ROBO1: variants seen among roughly 807,000 people sequenced by gnomAD.
The protein encoded by ROBO1 is roundabout guidance receptor 1, also known as roundabout homolog 1.
In ROBO1, 149 loss-of-function variants were observed where a neutral mutation model predicts 195.9. That is an observed-to-expected ratio of 0.76 (90% CI 0.67 to 0.87). ROBO1 has a LOEUF of 0.87. ROBO1 is among the 40% of genes least tolerant of loss of function. The pLI, the probability that ROBO1 is intolerant of heterozygous loss-of-function variation, is 0.00. For missense variants in ROBO1, 1,933 were observed against 2,068.3 expected, an observed-to-expected ratio of 0.93 and a Z score of 1.27; for synonymous variants, 816 against 733.2, an observed-to-expected ratio of 1.11 and a Z score of -1.82.
rs573005006 is a variant in ROBO1, at chr3:79,424,951, G to T, written c.88+164873C>A. On this transcript the variant is annotated intron_variant, in intron 2 of 30. Transcript: ENST00000464233. ...GTCATGCTAGAAGGAAGTAAAAAAC[G>T]CAGAAAACCTAAACCCTGAGGCTGA... Among the ~76,000 whole-genome samples, 19 of 152,210 alleles carry T rather than the reference G, an allele frequency of 1.2e-4. No homozygotes were observed. In the South Asian group the frequency reaches 3.7e-3, roughly 30 times the overall value.
At chr3:78,737,746 C>T (rs1007407187) in intron 5 of ROBO1, among the ~76,000 whole-genome samples, 3 of 152,058 alleles carry the variant, frequency 2.0e-5, no homozygotes, top group Non-Finnish European at 4.4e-5. Flanking sequence ...TTATTCAATC[C>T]AATGACTGGT....
At position 79,534,984 on chromosome 3, in the gene ROBO1, C is replaced by G. The variant is rs923842794; in HGVS notation, c.88+54840G>C. Among the ~76,000 whole-genome samples the G allele has an allele frequency of 2.0e-5, 3 of 152,180 alleles. No homozygotes were observed. The East Asian group carries it at 5.8e-4, about 30-fold the overall frequency. The stretch of plus-strand genomic sequence containing the variant: ...TTGCAAATCATGATCCACTGCAGTG[C>G]TTGTCTGTGCTTTCCATAGTTTAAT... On this transcript the variant is annotated intron_variant, in intron 2 of 30. Transcript: ENST00000464233.
intron 3 of ROBO1, among the ~76,000 whole-genome samples, chr3:78,980,699 C>T (rs1209152357): frequency 1.3e-5 from 2 of 152,092 alleles, no homozygotes; most frequent in African/African-American, 4.8e-5. Flanking sequence ...AACTTTCCAT[C>T]TTATGTGGAA....
intron 2 of ROBO1, among the ~76,000 whole-genome samples, chr3:79,252,325 G>T (rs553450606): frequency 2.6e-5 from 4 of 152,038 alleles, no homozygotes; most frequent in Non-Finnish European, 5.9e-5. Flanking sequence ...ACTGATTTAG[G>T]GTAAGTGTCC....
chr3:79,041,606 A>C (rs919930498), intron 3 of ROBO1, among the ~76,000 whole-genome samples: 4 of 152,234 alleles, frequency 2.6e-5, no homozygotes, highest in Non-Finnish European at 5.9e-5. Flanking sequence ...GATATAAGTA[A>C]AAACTGTAAT....
intron 1 of ROBO1, among the ~76,000 whole-genome samples, chr3:79,722,047 C>T (rs1003466455): frequency 3.3e-5 from 5 of 152,238 alleles, no homozygotes; most frequent in African/African-American, 4.8e-5. Context: ...GATCAGGTGA[C>T]ATCACTGGGC....
chr3:78,611,039 GT>G (rs1258604966), intron 28 of ROBO1, among the ~76,000 whole-genome samples: 2 of 152,170 alleles, frequency 1.3e-5, no homozygotes, highest in Non-Finnish European at 2.9e-5. Flanking sequence ...TGTTTTGTAT[GT>G]ATGTGTGTAG....
chr3:79,117,273 G>A (rs1223055948), intron 3 of ROBO1, among the ~76,000 whole-genome samples: 1 of 152,058 alleles, frequency 6.6e-6, no homozygotes, highest in African/African-American at 2.4e-5. Context: ...GGGAGGATGA[G>A]GCAGGAAAAT....
chr3:79,117,592 T>C (rs1222252035), intron 3 of ROBO1, among the ~76,000 whole-genome samples: 2 of 152,164 alleles, frequency 1.3e-5, no homozygotes, highest in Non-Finnish European at 2.9e-5. Context: ...TTAAGTTGTG[T>C]TGTCATGGAA....
intron 3 of ROBO1, among the ~76,000 whole-genome samples, chr3:79,022,882 A>G (rs2078129607): frequency 6.6e-6 from 1 of 152,114 alleles, no homozygotes. Context: ...GGGCTTTTTG[A>G]CGGTCAAAAT....
intron 3 of ROBO1, among the ~76,000 whole-genome samples, chr3:78,943,148 G>C (rs561291268): frequency 1.3e-5 from 2 of 151,728 alleles, no homozygotes; most frequent in Admixed American, 1.3e-4. Flanking sequence ...CCTGGGAGGC[G>C]GAGCTTACAG....
rs553250241 is a variant in ROBO1, at chr3:79,718,268, A to G, written c.-51+49484T>C. 7.9e-5 allele frequency among the ~76,000 whole-genome samples: 12 copies of G among 152,176 alleles called. No individual in the cohort carries two copies. The South Asian group carries it at 1.9e-3, about 24-fold the overall frequency. ...GACCAGAACAAATTTCAAGGCAATA[A>G]TATAATTACTGTTAAGTACTTATAT... On this transcript the variant is annotated intron_variant, in intron 1 of 30. Coordinates refer to ENST00000464233, the MANE Select transcript of ROBO1 (RefSeq NM_002941.4).
intron 3 of ROBO1, among the ~76,000 whole-genome samples, chr3:78,954,480 T>C (rs2040941978): frequency 6.6e-6 from 1 of 152,018 alleles, no homozygotes; most frequent in Non-Finnish European, 1.5e-5. Flanking sequence ...GGTCTGAAAA[T>C]AGAATATAAT....
chr3:78,715,529 TTTC>T (rs889456956), intron 7 of ROBO1, among the ~76,000 whole-genome samples: 4 of 152,088 alleles, frequency 2.6e-5, no homozygotes, highest in Admixed American at 6.6e-5. Context: ...AAAATTAATT[TTTC>T]TTCTTATTAT....
rs186047620 is a variant in ROBO1 at position 78,709,523 on chromosome 3, T to C, written c.1045+4874A>G. On this transcript the variant is annotated intron_variant, in intron 8 of 30. Transcript: ENST00000464233. The stretch of plus-strand genomic sequence containing the variant: ...GTAAAATAAAACCTGCATTATTAAG[T>C]AATCAATATCTTATTTGATTCAATA... Among the ~76,000 whole-genome samples, 4 of 152,344 alleles carry C rather than the reference T, an allele frequency of 2.6e-5. No individual in the cohort carries two copies. The East Asian group carries it at 7.7e-4, about 29-fold the overall frequency.
At chr3:79,107,677 TGA>T (rs2079809924) in intron 3 of ROBO1, among the ~76,000 whole-genome samples, 1 of 151,676 alleles carries the variant, frequency 6.6e-6, no homozygotes. Context: ...GTATTGAGAG[TGA>T]TTACTTATGT....
In ROBO1 at chr3:78,792,797, T is replaced by C. The variant is rs184316671; in HGVS notation, c.500-45897A>G. ...TATAAAATAAGTAATAAATCAACTTTCTATATTGGAAACAGTCTTTACCTA... is the reference window on the plus strand; with the variant it reads ...TATAAAATAAGTAATAAATCAACTTCCTATATTGGAAACAGTCTTTACCTA... On this transcript the variant is annotated intron_variant, in intron 4 of 30. Coordinates refer to ENST00000464233, the MANE Select transcript of ROBO1 (RefSeq NM_002941.4). 8.5e-4 allele frequency among the ~76,000 whole-genome samples: 129 copies of C among 152,252 alleles called. 1 individual carries two copies. The highest frequency in any genetic ancestry group is 1.8e-3 in the Admixed American group (28 of 15,286).
At chr3:78,882,824 T>G (rs1236283330) in intron 4 of ROBO1, among the ~76,000 whole-genome samples, 1 of 151,322 alleles carries the variant, frequency 6.6e-6, no homozygotes, top group Non-Finnish European at 1.5e-5. Context: ...TTTTTTTTTT[T>G]TTTTCTGAGC....
intron 2 of ROBO1, among the ~76,000 whole-genome samples, chr3:79,351,021 G>GT (rs1418980685): frequency 2.0e-5 from 3 of 152,042 alleles, no homozygotes; most frequent in Non-Finnish European, 4.4e-5. Flanking sequence ...GGTGGAAGAT[G>GT]TTTTAAAATT....
Sources: allele counts gnomAD v4.1 joint callset (sites outside exome capture counted in the v4.1 genomes callset), GRCh38; gene constraint gnomAD v4.1.1; transcripts MANE v1.5; gene names NCBI Gene and HGNC (gene_info 2026-07-23, HGNC 2026-07-21).